MAGI3: variants seen among roughly 807,000 people sequenced by gnomAD.
MAGI3 encodes the protein membrane associated guanylate kinase, WW and PDZ domain containing 3.
Under a neutral mutation model 121.8 loss-of-function variants are expected in MAGI3, and 43 were observed. The ratio of observed to expected loss-of-function variants is 0.35; its 90% CI spans 0.28 to 0.46. MAGI3 has a LOEUF of 0.46. Ranked by LOEUF, MAGI3 falls within the 20% of genes least tolerant of loss-of-function variation. The pLI is 1.00. For synonymous variants in MAGI3, 553 were observed against 639.3 expected (o/e 0.86, Z 2.04); for missense variants, 1,547 against 1,797.3 (o/e 0.86, Z 2.52).
chr1:113,681,811 A>G (rs902740176), intron 20 of MAGI3, among the ~76,000 whole-genome samples: 4 of 152,228 alleles, frequency 2.6e-5, no homozygotes, highest in African/African-American at 4.8e-5. Flanking sequence ...ACAAGTTGCT[A>G]TCACCCTACC....
At chr1:113,621,171 G>A (rs187062165) in intron 8 of MAGI3, among the ~76,000 whole-genome samples, 48 of 152,262 alleles carry the variant, frequency 3.2e-4, no homozygotes, top group Admixed American at 3.1e-3. Flanking sequence ...CAAGTAGAAG[G>A]AACAGAATGT....
intron 5 of MAGI3, among the ~76,000 whole-genome samples, chr1:113,592,455 CTAAGT>C (rs1648745166): frequency 6.6e-6 from 1 of 152,020 alleles, no homozygotes; most frequent in Non-Finnish European, 1.5e-5. Context: ...TCATGGGAAC[CTAAGT>C]TAAGCTTTTC....
At chr1:113,605,757 G>A (rs1192043357) in intron 6 of MAGI3, among the ~76,000 whole-genome samples, 1 of 151,862 alleles carries the variant, frequency 6.6e-6, no homozygotes, top group African/African-American at 2.4e-5. Flanking sequence ...ATGCCACCAC[G>A]CCCAGCTAAT....
In MAGI3 at chr1:113,405,503, G is replaced by T. The variant is rs182506008; in HGVS notation, c.316+14154G>T. ...AAAAAAAAAAAAAAAAAAAAAAAAAGACTGAAGGCTGTCTTGAGGAATGCC... is the reference window on the plus strand; with the variant it reads ...AAAAAAAAAAAAAAAAAAAAAAAAATACTGAAGGCTGTCTTGAGGAATGCC... On this transcript the variant is annotated intron_variant, in intron 1 of 20. Transcript: ENST00000307546. 7.4e-3 allele frequency among the ~76,000 whole-genome samples: 572 copies of T among 77,592 alleles called. 5 individuals are homozygous for T. Among genetic ancestry groups the T allele is most frequent in the African/African-American group, 0.023 (499 of 21,656 alleles). 50.9% of individuals were successfully genotyped at this position (77,592 alleles called of 152,430 possible).
intron 6 of MAGI3, among the ~76,000 whole-genome samples, chr1:113,606,284 A>G (rs1649770018): frequency 1.3e-5 from 2 of 152,134 alleles, no homozygotes; most frequent in Non-Finnish European, 2.9e-5. Context: ...TAATTTTTAA[A>G]ATAATTTTTA....
intron 5 of MAGI3, among the ~76,000 whole-genome samples, chr1:113,594,273 A>C (rs1648862816): frequency 1.3e-5 from 2 of 152,222 alleles, no homozygotes; most frequent in South Asian, 2.1e-4. Flanking sequence ...TTCTCAAGTT[A>C]GTGCCTCTAG....
chr1:113,517,590 G>A (rs1190612204), intron 1 of MAGI3, among the ~76,000 whole-genome samples: 1 of 151,890 alleles, frequency 6.6e-6, no homozygotes, highest in African/African-American at 2.4e-5. Context: ...TAGTGTCCTT[G>A]AGGGTTTTAT....
intron 9 of MAGI3, among the ~76,000 whole-genome samples, chr1:113,633,487 T>C (rs905484735): frequency 1.8e-4 from 28 of 151,900 alleles, no homozygotes; most frequent in African/African-American, 4.8e-4. Flanking sequence ...GGTCTCGATC[T>C]CCTGACCTCG....
chr1:113,609,179 G>A (rs1189016964), intron 6 of MAGI3, among the ~76,000 whole-genome samples: 1 of 152,022 alleles, frequency 6.6e-6, no homozygotes, highest in Admixed American at 6.6e-5. Flanking sequence ...ATAGCCCCAC[G>A]GAAGACTATT....
At chr1:113,587,422 C>T (rs1382147515) in intron 4 of MAGI3, among the ~76,000 whole-genome samples, 1 of 152,190 alleles carries the variant, frequency 6.6e-6, no homozygotes, top group Non-Finnish European at 1.5e-5. Flanking sequence ...TCTCGAACTC[C>T]TGGCCTCTGG....
intron 11 of MAGI3, among the ~76,000 whole-genome samples, chr1:113,644,147 G>T (rs1158328665): frequency 6.6e-6 from 1 of 152,110 alleles, no homozygotes; most frequent in South Asian, 2.1e-4. Context: ...CTATTACATC[G>T]TCTTGCCCCT....
At chr1:113,663,118 G>A (rs1035265460) in intron 16 of MAGI3, among the ~76,000 whole-genome samples, 2 of 151,868 alleles carry the variant, frequency 1.3e-5, no homozygotes, top group Non-Finnish European at 2.9e-5. Flanking sequence ...CCAGCTACTC[G>A]GGAGGCTGAG....
intron 14 of MAGI3, among the ~76,000 whole-genome samples, chr1:113,653,094 A>G (rs1004378997): frequency 6.6e-6 from 1 of 152,214 alleles, no homozygotes; most frequent in East Asian, 1.9e-4. Context: ...CTGTACAGGT[A>G]GCAAACTGTT....
At chr1:113,433,804 A>G (rs891166785) in intron 1 of MAGI3, among the ~76,000 whole-genome samples, 4 of 152,172 alleles carry the variant, frequency 2.6e-5, no homozygotes, top group African/African-American at 9.7e-5. Flanking sequence ...CCCCATTTTA[A>G]AAGAGGAGCT....
chr1:113,623,453 TACACACACACACAC>T (rs796174057), intron 9 of MAGI3, among the ~76,000 whole-genome samples: 2 of 126,104 alleles, frequency 1.6e-5, no homozygotes, highest in African/African-American at 3.2e-5. Context: ...TACACACACA[TACACACACACACAC>T]ACACACACAC....
intron 1 of MAGI3, among the ~76,000 whole-genome samples, chr1:113,519,496 T>C (rs1385179900): frequency 6.6e-6 from 1 of 152,198 alleles, no homozygotes; most frequent in East Asian, 1.9e-4. Flanking sequence ...TATGGCATAC[T>C]GTGTCAGAGG....
At chr1:113,411,560 A>C (rs896252699) in intron 1 of MAGI3, among the ~76,000 whole-genome samples, 1 of 152,130 alleles carries the variant, frequency 6.6e-6, no homozygotes, top group Admixed American at 6.6e-5. Flanking sequence ...GAGTATCTAG[A>C]AATGATATGT....
At chr1:113,404,215 A>G (rs1570622717) in intron 1 of MAGI3, 1 of 152,118 alleles carries the variant, frequency 6.6e-6, no homozygotes, top group Non-Finnish European at 1.5e-5. Context: ...CTGGTCAGCA[A>G]CCTGTGATTT....
At chr1:113,494,926 A>C (rs1656844946) in intron 1 of MAGI3, among the ~76,000 whole-genome samples, 1 of 152,214 alleles carries the variant, frequency 6.6e-6, no homozygotes, top group Non-Finnish European at 1.5e-5. Context: ...GACCAATTCC[A>C]GATCTATGCT....
Sources: gnomAD v4.1 joint callset for allele counts (sites outside exome capture counted in the v4.1 genomes callset) on GRCh38, gnomAD v4.1.1 for gene constraint, MANE v1.5 for transcripts, NCBI Gene and HGNC (gene_info 2026-07-23, HGNC 2026-07-21) for gene names.